AKAP19: variants seen among roughly 807,000 people sequenced by gnomAD.
The protein encoded by AKAP19 is A-kinase anchoring protein 19.
the AKAP19 span, among the ~76,000 whole-genome samples, chr2:190,156,486 T>A: frequency 6.6e-6 from 1 of 152,014 alleles, no homozygotes; most frequent in African/African-American, 2.4e-5. Context: ...ATTGAAAAAA[T>A]TTTAAAAAGG....
the AKAP19 span, chr2:190,163,850 G>A: frequency 1.7e-5 from 2 of 120,268 alleles, no homozygotes; most frequent in African/African-American, 5.1e-5. Context: ...ATTATACTAA[G>A]TTCCATGTAC....
the AKAP19 span, among the ~76,000 whole-genome samples, chr2:190,084,423 G>A: frequency 6.6e-6 from 1 of 152,124 alleles, no homozygotes; most frequent in South Asian, 2.1e-4. Context: ...GCTTCTGGGT[G>A]ATTTTAATGT....
the AKAP19 span, among the ~76,000 whole-genome samples, chr2:189,941,838 T>C: frequency 2.0e-5 from 3 of 152,178 alleles, no homozygotes; most frequent in Admixed American, 2.0e-4. Flanking sequence ...TGAATATAAA[T>C]GGACTCAATT....
the AKAP19 span, chr2:190,199,887 T>C: frequency 2.9e-5 from 47 of 1,613,712 alleles, no homozygotes; most frequent in Non-Finnish European, 3.8e-5. Flanking sequence ...CAAAGCAAAC[T>C]TTCCCATTTC....
the AKAP19 span, among the ~76,000 whole-genome samples, chr2:189,921,465 A>T: frequency 6.6e-6 from 1 of 152,182 alleles, no homozygotes; most frequent in African/African-American, 2.4e-5. Flanking sequence ...AGTGATGAAG[A>T]TCCCCAATAT....
chr2:190,100,842 G>A, the AKAP19 span, among the ~76,000 whole-genome samples: 2,625 of 152,262 alleles, frequency 0.017, 70 homozygotes, highest in African/African-American at 0.058. Context: ...ATCCCAGGGA[G>A]GAGAACACTG....
the AKAP19 span, chr2:190,203,441 C>T: frequency 1.8e-5 from 3 of 166,624 alleles, no homozygotes; most frequent in African/African-American, 7.2e-5. Context: ...TTTCTGAAAA[C>T]ATTTGTTGTT....
the AKAP19 span, among the ~76,000 whole-genome samples, chr2:190,155,230 C>G: frequency 6.6e-6 from 1 of 152,146 alleles, no homozygotes; most frequent in East Asian, 1.9e-4. Flanking sequence ...CATTCTCACT[C>G]TAAGCTGATA....
the AKAP19 span, chr2:190,095,500 G>T: frequency 6.6e-6 from 1 of 152,198 alleles, no homozygotes; most frequent in African/African-American, 2.4e-5. Context: ...TTTCTACCAT[G>T]TGTGAACACA....
the AKAP19 span, among the ~76,000 whole-genome samples, chr2:190,002,780 C>A: frequency 1.3e-5 from 2 of 152,098 alleles, no homozygotes; most frequent in East Asian, 3.8e-4. Flanking sequence ...ACAGAGATGC[C>A]AAACTCTTGC....
the AKAP19 span, among the ~76,000 whole-genome samples, chr2:190,088,448 T>G: frequency 6.6e-6 from 1 of 152,114 alleles, no homozygotes; most frequent in South Asian, 2.1e-4. Flanking sequence ...TATCAACAAG[T>G]TTTAGAGGCA....
At chr2:190,008,295 C>A in the AKAP19 span, among the ~76,000 whole-genome samples, 1 of 152,174 alleles carries the variant, frequency 6.6e-6, no homozygotes, top group East Asian at 1.9e-4. Flanking sequence ...CAATTATAAT[C>A]AATCCTAATC....
At chr2:190,080,125 G>T in the AKAP19 span, 1 of 152,106 alleles carries the variant, frequency 6.6e-6, no homozygotes, top group Non-Finnish European at 1.5e-5. Flanking sequence ...CGGTTATATA[G>T]AAACTCCCTT....
At chr2:190,194,477 T>TACACACAC in the AKAP19 span, among the ~76,000 whole-genome samples, 247 of 141,476 alleles carry the variant, frequency 1.7e-3, 1 homozygote, top group South Asian at 3.0e-3. Context: ...ATCCTGTGTA[T>TACACACAC]ACACACACAC....
At chr2:189,929,625 T>G in the AKAP19 span, among the ~76,000 whole-genome samples, 2 of 152,142 alleles carry the variant, frequency 1.3e-5, no homozygotes, top group East Asian at 3.8e-4. Context: ...CACTTTGAAT[T>G]CTGCATTTCC....
At chr2:189,921,828 T>C in the AKAP19 span, among the ~76,000 whole-genome samples, 1 of 152,178 alleles carries the variant, frequency 6.6e-6, no homozygotes, top group Non-Finnish European at 1.5e-5. Context: ...TGAAGAACTA[T>C]TAATTTGTTC....
chr2:190,100,387 T>G, the AKAP19 span, among the ~76,000 whole-genome samples: 1 of 152,232 alleles, frequency 6.6e-6, no homozygotes, highest in African/African-American at 2.4e-5. Flanking sequence ...TGGTTTGCTT[T>G]TCAGACCTGC....
the AKAP19 span, among the ~76,000 whole-genome samples, chr2:189,998,954 T>C: frequency 6.6e-6 from 1 of 151,942 alleles, no homozygotes; most frequent in East Asian, 1.9e-4. Flanking sequence ...GTATTTTCAG[T>C]AGAGACAGGG....
chr2:189,939,285 C>T, the AKAP19 span, among the ~76,000 whole-genome samples: 7 of 152,162 alleles, frequency 4.6e-5, no homozygotes, highest in East Asian at 1.9e-4. Flanking sequence ...ACTTTCTACA[C>T]GTTACTGGAA....
Sources: gnomAD v4.1 joint callset for allele counts (sites outside exome capture counted in the v4.1 genomes callset) on GRCh38, gnomAD v4.1.1 for gene constraint, MANE v1.5 for transcripts, NCBI Gene and HGNC (gene_info 2026-07-23, HGNC 2026-07-21) for gene names.